Variants in PTPRG observed in about 807,000 individuals in gnomAD.
PTPRG encodes protein tyrosine phosphatase receptor type G, also known as receptor-type tyrosine-protein phosphatase gamma.
PTPRG carries 102 observed loss-of-function variants against 165.3 expected under a neutral mutation model. The observed-to-expected ratio is 0.62, with a 90% CI of 0.53 to 0.73. PTPRG has a LOEUF of 0.73. PTPRG is among the 30% of genes least tolerant of loss of function. The pLI, the probability that PTPRG is intolerant of heterozygous loss-of-function variation, is 0.00. For missense variants in PTPRG, 1,866 were observed against 1,861.4 expected (o/e 1.00, Z -0.05); for synonymous variants, 675 against 669.5 (o/e 1.01, Z -0.13).
At chr3:61,806,590 AT>A (rs34856012) in intron 2 of PTPRG, among the ~76,000 whole-genome samples, 16 of 151,884 alleles carry the variant, frequency 1.1e-4, no homozygotes, top group Admixed American at 6.6e-4. Context: ...AGTGAATATC[AT>A]TTTTTTTCTT....
chr3:61,871,115 G>C (rs1462651798), intron 2 of PTPRG, among the ~76,000 whole-genome samples: 1 of 104,656 alleles, frequency 9.6e-6, no homozygotes, highest in Non-Finnish European at 1.9e-5. Flanking sequence ...TCCCTGTTAT[G>C]TTATGTTATG....
chr3:61,969,307 G>T (rs1489936696), intron 2 of PTPRG, among the ~76,000 whole-genome samples: 1 of 152,170 alleles, frequency 6.6e-6, no homozygotes, highest in Non-Finnish European at 1.5e-5. Flanking sequence ...CTCAGTACAT[G>T]TAAGGTCTGG....
At chr3:61,573,266 G>T (rs771237750) in intron 1 of PTPRG, among the ~76,000 whole-genome samples, 4 of 152,242 alleles carry the variant, frequency 2.6e-5, no homozygotes, top group East Asian at 3.9e-4. Context: ...GGGGACAAGG[G>T]GGGGAAAGCC....
chr3:62,080,579 C>G (rs561521944), intron 5 of PTPRG, among the ~76,000 whole-genome samples: 1 of 152,134 alleles, frequency 6.6e-6, no homozygotes, highest in East Asian at 1.9e-4. Flanking sequence ...GTCATGCCAA[C>G]CTGTGCTCAG....
chr3:61,891,965 T>A (rs990473329), intron 2 of PTPRG, among the ~76,000 whole-genome samples: 1 of 152,214 alleles, frequency 6.6e-6, no homozygotes, highest in Non-Finnish European at 1.5e-5. Flanking sequence ...ATAAATTTAA[T>A]CTTTAAAATA....
intron 4 of PTPRG, among the ~76,000 whole-genome samples, chr3:62,070,104 C>A (rs545164923): frequency 6.6e-6 from 1 of 152,218 alleles, no homozygotes; most frequent in East Asian, 1.9e-4. Flanking sequence ...GTATATTTAT[C>A]ATTTTTCTCC....
chr3:61,935,873 G>A (rs1291767431), intron 2 of PTPRG, among the ~76,000 whole-genome samples: 1 of 115,968 alleles, frequency 8.6e-6, no homozygotes, highest in Non-Finnish European at 2.1e-5. Context: ...TTTAATAACT[G>A]CTTGGTTTAA....
Position 61,567,266 on chromosome 3 carries a change from G to C in PTPRG, c.85+4894G>C, listed in dbSNP as rs531948825. Among the ~76,000 whole-genome samples, 41 of 152,304 alleles carry C rather than the reference G, an allele frequency of 2.7e-4. No homozygotes were observed. In the East Asian group the frequency reaches 7.7e-3, roughly 29 times the overall value. On this transcript the variant is annotated intron_variant, in intron 1 of 29. Coordinates refer to ENST00000474889, the MANE Select transcript of PTPRG (RefSeq NM_002841.4). ...GTTAAGCAGCCACTGACGAGGTAGA[G>C]GGAGTGGCTCAGGAGGGACTCAGGA...
intron 1 of PTPRG, among the ~76,000 whole-genome samples, chr3:61,632,284 G>T (rs1380189320): frequency 6.6e-6 from 1 of 151,046 alleles, no homozygotes; most frequent in Non-Finnish European, 1.5e-5. Context: ...ACTCCAGTCT[G>T]GGTGACAGAG....
At chr3:61,974,958 G>T (rs13085295) in intron 2 of PTPRG, among the ~76,000 whole-genome samples, 79,245 of 151,968 alleles carry the variant, frequency 0.52, 21,024 homozygotes, top group African/African-American at 0.62. Context: ...CATTTAAATA[G>T]TGCTATAGCA....
intron 1 of PTPRG, among the ~76,000 whole-genome samples, chr3:61,631,679 C>T (rs555137571): frequency 6.6e-6 from 1 of 152,102 alleles, no homozygotes; most frequent in South Asian, 2.1e-4. Flanking sequence ...AGTTTTTAAG[C>T]TCTGTGTTTT....
chr3:61,871,128 A>ATGTTATGTTGTGTTGTGTTG (rs1559660035), intron 2 of PTPRG, among the ~76,000 whole-genome samples: 3 of 123,126 alleles, frequency 2.4e-5, no homozygotes, highest in East Asian at 6.4e-4. Flanking sequence ...ATGTTATGTT[A>ATGTTATGTTGTGTTGTGTTG]TGTTGTGTTG....
intron 3 of PTPRG, among the ~76,000 whole-genome samples, chr3:61,995,255 A>G (rs1333239944): frequency 4.0e-5 from 6 of 151,414 alleles, no homozygotes; most frequent in African/African-American, 1.5e-4. Context: ...AGCCAAGTTC[A>G]TTTTTGTATT....
intron 1 of PTPRG, among the ~76,000 whole-genome samples, chr3:61,680,008 A>T (rs571909374): frequency 6.6e-6 from 1 of 152,138 alleles, no homozygotes; most frequent in African/African-American, 2.4e-5. Flanking sequence ...CCCCTTAAGC[A>T]ATTTACTAAT....
At position 61,943,427 on chromosome 3, in the gene PTPRG, C is replaced by G. The variant is rs535703622; in HGVS notation, c.191-46198C>G. Reference sequence around the variant, plus strand: ...CCAACATGGCGCAACTCCGTCTCTACTAAAAAATATCAAAAGTAGCCAGGC... The same window carrying G: ...CCAACATGGCGCAACTCCGTCTCTAGTAAAAAATATCAAAAGTAGCCAGGC... On this transcript the variant is annotated intron_variant, in intron 2 of 29. Coordinates refer to ENST00000474889, the MANE Select transcript of PTPRG (RefSeq NM_002841.4). 2.6e-5 allele frequency among the ~76,000 whole-genome samples: 4 copies of G among 152,294 alleles called. No homozygotes were observed. The South Asian group carries it at 8.3e-4, about 32-fold the overall frequency.
chr3:61,882,827 A>C (rs2037922268), intron 2 of PTPRG, among the ~76,000 whole-genome samples: 1 of 152,192 alleles, frequency 6.6e-6, no homozygotes, highest in Non-Finnish European at 1.5e-5. Flanking sequence ...TTTGCTGATT[A>C]AATGGGTGCC....
intron 2 of PTPRG, among the ~76,000 whole-genome samples, chr3:61,768,170 A>G (rs2034094283): frequency 6.6e-6 from 1 of 152,182 alleles, no homozygotes; most frequent in South Asian, 2.1e-4. Flanking sequence ...TGATCAAGAC[A>G]GAGAGTTATT....
chr3:61,876,137 A>AC (rs1468583912), intron 2 of PTPRG, among the ~76,000 whole-genome samples: 6 of 152,224 alleles, frequency 3.9e-5, no homozygotes, highest in African/African-American at 1.4e-4. Context: ...TTTCTGTAGT[A>AC]TTCTTGACAA....
intron 2 of PTPRG, among the ~76,000 whole-genome samples, chr3:61,823,481 C>T (rs546012608): frequency 6.6e-6 from 1 of 151,988 alleles, no homozygotes; most frequent in African/African-American, 2.4e-5. Flanking sequence ...GCCACCAGGC[C>T]TGGCCGCACA....
Sources: gnomAD v4.1 joint callset for allele counts (sites outside exome capture counted in the v4.1 genomes callset) on GRCh38, gnomAD v4.1.1 for gene constraint, MANE v1.5 for transcripts, NCBI Gene and HGNC (gene_info 2026-07-23, HGNC 2026-07-21) for gene names.